The following GALNT17 variants were observed in gnomAD, a reference collection of about 807,000 sequenced individuals.
The protein encoded by GALNT17 is polypeptide N-acetylgalactosaminyltransferase 17.
A neutral mutation model predicts 63.7 loss-of-function variants in GALNT17; 29 were observed. The observed-to-expected ratio is 0.46, with a 90% confidence interval of 0.34 to 0.62. The LOEUF is 0.62. Among genes scored for constraint, GALNT17 ranks in the 20% least tolerant of loss-of-function variants. The pLI, the probability that GALNT17 is intolerant of heterozygous loss-of-function variation, is 0.01. For missense variants in GALNT17, 603 were observed against 799.6 expected (o/e 0.75, Z 2.97); for synonymous variants, 305 against 318.3 (o/e 0.96, Z 0.45).
intron 5 of GALNT17, among the ~76,000 whole-genome samples, chr7:71,490,127 C>A (rs924280033): frequency 6.6e-6 from 1 of 151,830 alleles, no homozygotes; most frequent in African/African-American, 2.4e-5. Flanking sequence ...GGCGTGGTGG[C>A]GGCACCTGTA....
At chr7:71,158,983 T>C (rs907903588) in intron 1 of GALNT17, among the ~76,000 whole-genome samples, 3 of 151,848 alleles carry the variant, frequency 2.0e-5, no homozygotes, top group Admixed American at 6.6e-5. Flanking sequence ...TTTCTTAAAG[T>C]GTAAAATCTG....
At chr7:71,412,646 G>A (rs1275803244) in intron 3 of GALNT17, among the ~76,000 whole-genome samples, 6 of 152,124 alleles carry the variant, frequency 3.9e-5, no homozygotes, top group Admixed American at 1.3e-4. Context: ...GACCATTGTC[G>A]TGGTTCAGCT....
At chr7:71,249,022 C>A (rs1790150347) in intron 1 of GALNT17, among the ~76,000 whole-genome samples, 1 of 152,164 alleles carries the variant, frequency 6.6e-6, no homozygotes. Flanking sequence ...ATTCAGTCAA[C>A]AGTAGCTGGT....
chr7:71,318,926 A>G (rs1281730113), intron 1 of GALNT17, among the ~76,000 whole-genome samples: 1 of 152,146 alleles, frequency 6.6e-6, no homozygotes, highest in African/African-American at 2.4e-5. Context: ...TCTTGAATCC[A>G]CATCCCCATT....
intron 5 of GALNT17, among the ~76,000 whole-genome samples, chr7:71,445,212 T>C (rs1439417748): frequency 2.1e-5 from 3 of 145,190 alleles, no homozygotes; most frequent in Non-Finnish European, 4.5e-5. Flanking sequence ...AGATTCTCAC[T>C]CCGTCACCCA....
chr7:71,605,276 G>A (rs911731866), intron 6 of GALNT17, among the ~76,000 whole-genome samples: 3 of 151,996 alleles, frequency 2.0e-5, no homozygotes, highest in South Asian at 4.1e-4. Flanking sequence ...CTAGGTTTCC[G>A]ACAGAGGACT....
In GALNT17 at chr7:71,259,647, T is replaced by TTTG. The variant is rs1554345428; in HGVS notation, c.239-75901_239-75900insGTT. 9.4e-4 allele frequency among the ~76,000 whole-genome samples: 130 copies of TTTG among 138,598 alleles called. 7 individuals carry two copies. Among genetic ancestry groups the TTTG allele is most frequent in the African/African-American group, 3.5e-3 (128 of 36,612 alleles). 90.9% of individuals were successfully genotyped at this position (138,598 alleles called of 152,430 possible). ...TCCTGTTTTGTTTTTTGTTTTTTTG[T>TTTG]TTTTTTTTTTTTGAGACGGAGTCTT... On this transcript the variant is annotated intron_variant, in intron 1 of 10. Coordinates refer to ENST00000333538, the MANE Select transcript of GALNT17 (RefSeq NM_022479.3).
chr7:71,173,434 ATTAG>A (rs1412062145), intron 1 of GALNT17, among the ~76,000 whole-genome samples: 1 of 152,136 alleles, frequency 6.6e-6, no homozygotes, highest in Non-Finnish European at 1.5e-5. Flanking sequence ...GACTTTTAAT[ATTAG>A]TTTAGTGGTG....
intron 9 of GALNT17, among the ~76,000 whole-genome samples, chr7:71,702,421 A>G (rs915886318): frequency 6.6e-6 from 1 of 152,174 alleles, no homozygotes; most frequent in Non-Finnish European, 1.5e-5. Flanking sequence ...GGATTAAATA[A>G]GATGATCAAG....
chr7:71,636,293 G>C (rs1482529769), intron 6 of GALNT17, among the ~76,000 whole-genome samples: 1 of 152,168 alleles, frequency 6.6e-6, no homozygotes, highest in African/African-American at 2.4e-5. Context: ...AGCAGGGAGT[G>C]GGGGACACAG....
chr7:71,624,620 C>T (rs555454276), intron 6 of GALNT17, among the ~76,000 whole-genome samples: 2 of 152,150 alleles, frequency 1.3e-5, no homozygotes, highest in Non-Finnish European at 2.9e-5. Context: ...TGATGGATGA[C>T]CCCAAAGAGC....
At chr7:71,556,970 G>A (rs746783133) in intron 5 of GALNT17, among the ~76,000 whole-genome samples, 15 of 150,886 alleles carry the variant, frequency 9.9e-5, no homozygotes, top group Non-Finnish European at 1.3e-4. Context: ...GGCCCAGGCT[G>A]TAGACTCCTG....
At chr7:71,421,288 C>T (rs992384558) in intron 5 of GALNT17, among the ~76,000 whole-genome samples, 183 bp downstream of exon 5, 8 of 152,138 alleles carry the variant, frequency 5.3e-5, no homozygotes, top group Admixed American at 3.9e-4. Context: ...GCATTTTGCA[C>T]CTTTATGTAA....
At chr7:71,552,452 T>A (rs1157222486) in intron 5 of GALNT17, among the ~76,000 whole-genome samples, 6 of 151,896 alleles carry the variant, frequency 4.0e-5, no homozygotes, top group African/African-American at 1.5e-4. Flanking sequence ...CTCTTTTTTT[T>A]TTTTTTGAGA....
At chr7:71,592,645 CA>C (rs1379503569) in intron 6 of GALNT17, among the ~76,000 whole-genome samples, 37 of 151,500 alleles carry the variant, frequency 2.4e-4, no homozygotes, top group Admixed American at 7.9e-4. Context: ...TCCTCAGCTT[CA>C]GGACCCACAG....
chr7:71,296,857 A>G (rs1004677108), intron 1 of GALNT17, among the ~76,000 whole-genome samples: 7 of 152,162 alleles, frequency 4.6e-5, no homozygotes, highest in African/African-American at 1.4e-4. Flanking sequence ...AAATTTATAT[A>G]TATAATTTTT....
intron 1 of GALNT17, among the ~76,000 whole-genome samples, chr7:71,150,222 T>A (rs1036247423): frequency 2.0e-5 from 3 of 152,156 alleles, no homozygotes; most frequent in Admixed American, 2.0e-4. Flanking sequence ...TTTTTTCTTA[T>A]GGTACCTATT....
intron 6 of GALNT17, among the ~76,000 whole-genome samples, chr7:71,600,796 C>T (rs1789956225): frequency 6.6e-6 from 1 of 151,254 alleles, no homozygotes; most frequent in Non-Finnish European, 1.5e-5. Flanking sequence ...TATTGGGGTA[C>T]AGGTGGTGTT....
At chr7:71,417,967 C>G (rs368234318) in intron 4 of GALNT17, among the ~76,000 whole-genome samples, 3 of 152,270 alleles carry the variant, frequency 2.0e-5, no homozygotes, top group African/African-American at 7.2e-5. Flanking sequence ...TGACATTCAC[C>G]TAAACCAATG....
Sources: allele counts gnomAD v4.1 joint callset (sites outside exome capture counted in the v4.1 genomes callset), GRCh38; gene constraint gnomAD v4.1.1; transcripts MANE v1.5; gene names NCBI Gene and HGNC (gene_info 2026-07-23, HGNC 2026-07-21).